Variants in HMCES observed in about 807,000 individuals in gnomAD.
The protein encoded by HMCES is abasic site processing protein HMCES.
In HMCES, 27 loss-of-function variants were observed where a neutral mutation model predicts 35.1. The ratio of observed to expected loss-of-function variants is 0.77; its 90% CI spans 0.57 to 1.06. The LOEUF (loss-of-function observed/expected upper bound fraction) is 1.06, where lower values mean the gene tolerates loss of function less well. Among genes scored for constraint, HMCES ranks in the 50% least tolerant of loss-of-function variants. HMCES has a pLI of 0.00. For missense variants in HMCES, 391 were observed against 430.4 expected, an observed-to-expected ratio of 0.91 and a Z score of 0.81; for synonymous variants, 130 against 154.7, an observed-to-expected ratio of 0.84 and a Z score of 1.18.
intron 4 of HMCES, among the ~76,000 whole-genome samples, chr3:129,293,291 ATGGG>A (rs2071047025): frequency 6.6e-6 from 1 of 152,136 alleles, no homozygotes; most frequent in African/African-American, 2.4e-5. Flanking sequence ...CCTATCAGTG[ATGGG>A]TGCACCAAAA....
chr3:129,291,700 T>C (rs1419226646), intron 4 of HMCES, among the ~76,000 whole-genome samples: 54 of 152,254 alleles, frequency 3.5e-4, no homozygotes, highest in Admixed American at 6.5e-5. Flanking sequence ...GGATTTGTTT[T>C]CATCTCTCTT....
At chr3:129,289,125 T>C in intron 3 of HMCES, 128 bp downstream of exon 3, 1 of 754,536 alleles carries the variant, frequency 1.3e-6, no homozygotes, top group Non-Finnish European at 2.0e-6. Context: ...TTCCCAGTTG[T>C]TAATGTGGAA....
At position 129,292,507 on chromosome 3, in the gene HMCES, T is replaced by G. The variant is rs563760113; in HGVS notation, c.453+1703T>G. Among the ~76,000 whole-genome samples the G allele has an allele frequency of 1.3e-4, 20 of 150,214 alleles. No individual in the cohort carries two copies. The East Asian group carries it at 3.4e-3, about 25-fold the overall frequency. On this transcript the variant is annotated intron_variant, in intron 4 of 6. Coordinates refer to ENST00000383463, the MANE Select transcript of HMCES (RefSeq NM_020187.3). The stretch of plus-strand genomic sequence containing the variant: ...GTTTTTTTTTTTCTTCTTTTTTTTT[T>G]TTTGAGACAGAGTCTCTCTCTGTTG...
At chr3:129,304,246 A>C (rs573697774) in intron 6 of HMCES, among the ~76,000 whole-genome samples, 1 of 152,308 alleles carries the variant, frequency 6.6e-6, no homozygotes, top group South Asian at 2.1e-4. Flanking sequence ...ATTCTTCTGT[A>C]TCTCTCCAGT....
chr3:129,303,289 A>G (rs1405273513), intron 6 of HMCES, among the ~76,000 whole-genome samples: 1 of 152,212 alleles, frequency 6.6e-6, no homozygotes, highest in African/African-American at 2.4e-5. Context: ...ATGTTCCAAG[A>G]ATAGACATTT....
At chr3:129,283,870 C>G (rs572166094) in intron 2 of HMCES, among the ~76,000 whole-genome samples, 1 of 152,292 alleles carries the variant, frequency 6.6e-6, no homozygotes, top group Admixed American at 6.5e-5. Flanking sequence ...GGATCCTCCC[C>G]ACTTGGCCTA....
intron 6 of HMCES, among the ~76,000 whole-genome samples, chr3:129,302,659 G>A (rs2071183921): frequency 6.6e-6 from 1 of 152,100 alleles, no homozygotes; most frequent in Admixed American, 6.5e-5. Context: ...GGAGGTTGCA[G>A]TGAGCCTAGA....
At position 129,298,434 on chromosome 3, in the gene HMCES, G is replaced by A. The variant is rs1461550173; in HGVS notation, c.534G>A (p.Gly178=). ...ACTGGAGGCTGCTGACAATGGCCGG[G>A]ATCTTTGACTGCTGGGAGCCCCCAG... ...WDNWRLLTMA[G]IFDCWEPPEG... is the part of the protein sequence containing the mutation. The change falls in exon 5 of 7, where the codon GGG becomes GGA. Residue 178 remains glycine (G), a synonymous_variant. Coordinates refer to ENST00000383463, the MANE Select transcript of HMCES (RefSeq NM_020187.3). 2 of 1,614,180 alleles carry A rather than the reference G, an allele frequency of 1.2e-6. No individual in the cohort carries two copies. The highest frequency in any genetic ancestry group is 1.7e-6 in the Non-Finnish European group (2 of 1,180,012).
chr3:129,288,601 GTGGGAGGATGGCT>G (rs1940705070), intron 2 of HMCES, among the ~76,000 whole-genome samples: 1 of 151,468 alleles, frequency 6.6e-6, no homozygotes, highest in Non-Finnish European at 1.5e-5. Flanking sequence ...GGAGGCTGAG[GTGGGAGGATGGCT>G]TGAGCCAGGA....
intron 6 of HMCES, among the ~76,000 whole-genome samples, chr3:129,304,123 A>T (rs561798071): frequency 6.6e-6 from 1 of 152,236 alleles, no homozygotes; most frequent in African/African-American, 2.4e-5. Flanking sequence ...TCAGTTCAGG[A>T]TTGGGGTGTG....
At chr3:129,293,914 A>G (rs1057340668) in intron 4 of HMCES, among the ~76,000 whole-genome samples, 9 of 151,924 alleles carry the variant, frequency 5.9e-5, no homozygotes, top group Non-Finnish European at 1.0e-4. Flanking sequence ...TTCCTTTTTG[A>G]TTCAGTCTGA....
At chr3:129,289,070 C>A in intron 3 of HMCES, 73 bp downstream of exon 3, 1 of 1,196,556 alleles carries the variant, frequency 8.4e-7, no homozygotes, top group Non-Finnish European at 1.1e-6. Flanking sequence ...CCATCCTAGC[C>A]TACAGAGGAC....
Position 129,305,097 on chromosome 3 carries a change from T to C in HMCES, c.*272T>C, listed in dbSNP as rs1275101247. On this transcript the variant is annotated 3_prime_UTR_variant, in exon 7 of 7. Coordinates refer to ENST00000383463, the MANE Select transcript of HMCES (RefSeq NM_020187.3). ...CCCTTTCCTGGCAGGGCTGGTGGAG[T>C]CTTCCCTCAAAGCATGCCTTACCCA... 2.0e-6 allele frequency: 1 copy of C among 501,268 alleles called. No individual in the cohort carries two copies. The highest frequency in any genetic ancestry group is 3.6e-6 in the Non-Finnish European group (1 of 281,166). 31.1% of individuals were successfully genotyped at this position (501,268 alleles called of 1,614,324 possible).
At chr3:129,302,261 C>T in intron 6 of HMCES, 119 bp downstream of exon 6, 1 of 845,700 alleles carries the variant, frequency 1.2e-6, no homozygotes. Flanking sequence ...CAAAAGCTCT[C>T]ATACTCCTTG....
chr3:129,299,648 C>A (rs1195842263), intron 5 of HMCES, among the ~76,000 whole-genome samples: 1 of 110,100 alleles, frequency 9.1e-6, no homozygotes, highest in Non-Finnish European at 1.8e-5. Context: ...ATAGGTGCTT[C>A]TTTTTTTTTT....
chr3:129,285,731 G>A (rs1940620374), intron 2 of HMCES, among the ~76,000 whole-genome samples: 1 of 151,594 alleles, frequency 6.6e-6, no homozygotes, highest in Non-Finnish European at 1.5e-5. Flanking sequence ...ACAGGCATGA[G>A]CCACCGCGCC....
At chr3:129,280,268 A>G (rs929346726) in intron 2 of HMCES, among the ~76,000 whole-genome samples, 4 of 152,194 alleles carry the variant, frequency 2.6e-5, no homozygotes, top group African/African-American at 9.6e-5. Flanking sequence ...ATTTAAGGCC[A>G]GGTGCCATGG....
chr3:129,295,385 C>T (rs1352144017), intron 4 of HMCES, among the ~76,000 whole-genome samples: 2 of 148,912 alleles, frequency 1.3e-5, no homozygotes, highest in Admixed American at 6.7e-5. Flanking sequence ...TGCAGTGAGC[C>T]GAGATCACAC....
intron 4 of HMCES, among the ~76,000 whole-genome samples, chr3:129,294,164 A>T (rs2071061407): frequency 6.6e-6 from 1 of 152,024 alleles, no homozygotes; most frequent in African/African-American, 2.4e-5. Flanking sequence ...TACAACTCTA[A>T]TCCCAGCACT....
Sources: gnomAD v4.1 joint callset for allele counts (sites outside exome capture counted in the v4.1 genomes callset) on GRCh38, gnomAD v4.1.1 for gene constraint, MANE v1.5 for transcripts, NCBI Gene and HGNC (gene_info 2026-07-23, HGNC 2026-07-21) for gene names.